PLAG1: variants seen among roughly 807,000 people sequenced by gnomAD.
PLAG1 encodes zinc finger protein PLAG1.
A neutral mutation model predicts 35.5 loss-of-function variants in PLAG1; 7 were observed. That is an observed-to-expected ratio of 0.20 (90% CI 0.11 to 0.37). PLAG1 has a LOEUF of 0.37. PLAG1 is among the 10% of genes least tolerant of loss of function. The pLI is 1.00. For synonymous variants in PLAG1, 229 were observed against 225.4 expected (o/e 1.02, Z -0.14); for missense variants, 454 against 602.8 (o/e 0.75, Z 2.58).
chr8:56,207,252 C>T (rs1005166748), intron 1 of PLAG1, among the ~76,000 whole-genome samples: 2 of 151,958 alleles, frequency 1.3e-5, no homozygotes, highest in Non-Finnish European at 2.9e-5. Context: ...TTTTAGTTAT[C>T]TGGCTTTCCA....
Position 56,203,800 on chromosome 8 carries a change from T to A in PLAG1, c.-322+7321A>T, listed in dbSNP as rs533029322. Among the ~76,000 whole-genome samples the A allele has an allele frequency of 3.3e-5, 5 of 152,108 alleles. No homozygotes were observed. The South Asian group carries it at 1.0e-3, about 32-fold the overall frequency. ...ATGAAATTGAATAGTAAACATCAAG[T>A]AAAATGCTACCAACATTAGAAGAGA... On this transcript the variant is annotated intron_variant, in intron 1 of 4. Coordinates refer to ENST00000316981, the MANE Select transcript of PLAG1 (RefSeq NM_002655.3).
At chr8:56,194,258 A>G (rs1459784039) in intron 1 of PLAG1, among the ~76,000 whole-genome samples, 1 of 150,508 alleles carries the variant, frequency 6.6e-6, no homozygotes, top group Non-Finnish European at 1.5e-5. Context: ...CGGAGGTTGC[A>G]GTAAGCTGAG....
At chr8:56,204,394 A>C (rs1298554117) in intron 1 of PLAG1, among the ~76,000 whole-genome samples, 1 of 151,884 alleles carries the variant, frequency 6.6e-6, no homozygotes, top group African/African-American at 2.4e-5. Flanking sequence ...CACTTGAACT[A>C]TCTTAAGTTT....
rs544875767 is a variant in PLAG1 at position 56,206,910 on chromosome 8, C to T, written c.-322+4211G>A. Reference sequence around the variant, plus strand: ...GGATTTTGTTGAACAGATTCAGTTTCCTCCTTTTGAAACTCTTCCCTTACT... The same window carrying T: ...GGATTTTGTTGAACAGATTCAGTTTTCTCCTTTTGAAACTCTTCCCTTACT... On this transcript the variant is annotated intron_variant, in intron 1 of 4. Transcript: ENST00000316981. Among the ~76,000 whole-genome samples, 155 of 151,994 alleles carry T rather than the reference C, an allele frequency of 1.0e-3. 1 individual carries two copies. The highest frequency in any genetic ancestry group is 1.5e-3 in the Non-Finnish European group (105 of 67,800).
At chr8:56,177,715 T>G (rs1221379843) in intron 2 of PLAG1, among the ~76,000 whole-genome samples, 3 of 152,212 alleles carry the variant, frequency 2.0e-5, no homozygotes, top group African/African-American at 7.2e-5. Context: ...GTGGTCCCTT[T>G]AAGGAAATTT....
At chr8:56,196,951 C>CGTGCGT (rs1554537772) in intron 1 of PLAG1, among the ~76,000 whole-genome samples, 3 of 142,962 alleles carry the variant, frequency 2.1e-5, no homozygotes, top group Admixed American at 2.0e-4. Flanking sequence ...CCCTAGTGTG[C>CGTGCGT]GTGTGTGTGT....
chr8:56,211,237 C>T lies in PLAG1; in HGVS notation c.-438G>A, dbSNP rs1163255470. 1.3e-5 allele frequency: 2 copies of T among 153,572 alleles called. No individual in the cohort carries two copies. The highest frequency in any genetic ancestry group is 4.9e-5 in the African/African-American group (2 of 41,218). The allele number at this position is 153,572 out of a possible 1,614,324, so 9.5% of individuals were successfully genotyped here. A position where few individuals can be genotyped will look rare whatever the true frequency, so the allele number is the denominator to read the frequency against. ...GACGCGGCGGGCCTGGAAATTGTTT[C>T]CTTACGCCTCTTTCCAGCAGCCATT... On this transcript the variant is annotated 5_prime_UTR_variant, in exon 1 of 5. Coordinates refer to ENST00000316981, the MANE Select transcript of PLAG1 (RefSeq NM_002655.3).
chr8:56,171,478 T>TA (rs1811521379), intron 2 of PLAG1: 1 of 152,242 alleles, frequency 6.6e-6, no homozygotes, highest in Non-Finnish European at 1.5e-5. Flanking sequence ...AAATCTGACT[T>TA]ACCTACTGAA....
intron 1 of PLAG1, among the ~76,000 whole-genome samples, chr8:56,190,927 C>A (rs1563387229): frequency 1.3e-5 from 2 of 152,120 alleles, no homozygotes; most frequent in African/African-American, 4.8e-5. Flanking sequence ...GGGGTAAGAA[C>A]ATTCCAGCAG....
rs57103486 is a variant in PLAG1, at chr8:56,165,344, G to A, written c.*899C>T. The A allele has an allele frequency of 1.4e-5, 3 of 216,518 alleles. No individual in the cohort carries two copies. The highest frequency in any genetic ancestry group is 1.4e-3 in the Middle Eastern group (1 of 716). The allele number at this position is 216,518 out of a possible 1,614,324, so 13.4% of individuals were successfully genotyped here. On this transcript the variant is annotated 3_prime_UTR_variant, in exon 5 of 5. Transcript: ENST00000316981. Reference sequence around the variant, plus strand: ...AATGGCTCTAGATTATGGACTAACCGTGGGCCAACAATGAAAATAAATTGC... The same window carrying A: ...AATGGCTCTAGATTATGGACTAACCATGGGCCAACAATGAAAATAAATTGC...
rs1055140415 is a variant in PLAG1, at chr8:56,162,665, T to A, written c.*3578A>T. The A allele has an allele frequency of 5.2e-5, 11 of 209,566 alleles. No homozygotes were observed. The highest frequency in any genetic ancestry group is 9.1e-5 in the African/African-American group (4 of 44,036). 13.0% of individuals were successfully genotyped at this position (209,566 alleles called of 1,614,324 possible). On this transcript the variant is annotated 3_prime_UTR_variant, in exon 5 of 5. Transcript: ENST00000316981. Reference sequence around the variant, plus strand: ...TAGAGGTTGACCAAGCTCTATTTTTTAAAAAAATATTGGCCTATAATATGT... The same window carrying A: ...TAGAGGTTGACCAAGCTCTATTTTTAAAAAAAATATTGGCCTATAATATGT...
At chr8:56,193,695 CTTTTTTTT>C (rs760038291) in intron 1 of PLAG1, among the ~76,000 whole-genome samples, 2 of 130,802 alleles carry the variant, frequency 1.5e-5, no homozygotes, top group Non-Finnish European at 3.2e-5. Context: ...ATTAGGTAAA[CTTTTTTTT>C]TTTTTTTTTT....
At chr8:56,191,610 G>A (rs1283332898) in intron 1 of PLAG1, among the ~76,000 whole-genome samples, 1 of 151,922 alleles carries the variant, frequency 6.6e-6, no homozygotes, top group Non-Finnish European at 1.5e-5. Flanking sequence ...CAAAAGAGGT[G>A]CCAATTTCAA....
chr8:56,186,168 T>G (rs1023465714), intron 1 of PLAG1, among the ~76,000 whole-genome samples: 10 of 152,132 alleles, frequency 6.6e-5, no homozygotes, highest in Non-Finnish European at 1.5e-4. Context: ...CAGAAGGGGC[T>G]TAAACTTTAA....
intron 1 of PLAG1, among the ~76,000 whole-genome samples, chr8:56,181,388 T>C (rs1244856695): frequency 6.6e-6 from 1 of 152,098 alleles, no homozygotes; most frequent in Non-Finnish European, 1.5e-5. Flanking sequence ...TATGCCGCCA[T>C]AAAAAAGGAT....
intron 2 of PLAG1, chr8:56,178,028 C>T (rs1283498406): frequency 3.1e-6 from 3 of 981,566 alleles, no homozygotes; most frequent in Non-Finnish European, 3.6e-6. Flanking sequence ...ACGTTTAGAA[C>T]ACTTCTGCTT....
chr8:56,163,127 A>G lies in PLAG1; in HGVS notation c.*3116T>C. On this transcript the variant is annotated 3_prime_UTR_variant, in exon 5 of 5. Transcript: ENST00000316981. ...CCGTGTTTGGTGACCTAACTTGTACATACATGTGGAAGTGAAACTGAATGA... is the reference window on the plus strand; with the variant it reads ...CCGTGTTTGGTGACCTAACTTGTACGTACATGTGGAAGTGAAACTGAATGA... 1 of 207,728 alleles carries G rather than the reference A, an allele frequency of 4.8e-6. No homozygotes were observed. The highest frequency in any genetic ancestry group is 9.8e-6 in the Non-Finnish European group (1 of 101,632). 12.9% of individuals were successfully genotyped at this position (207,728 alleles called of 1,614,324 possible). A position where few individuals can be genotyped will look rare whatever the true frequency, so the allele number is the denominator to read the frequency against.
At chr8:56,205,196 A>G (rs1812663388) in intron 1 of PLAG1, among the ~76,000 whole-genome samples, 1 of 151,940 alleles carries the variant, frequency 6.6e-6, no homozygotes, top group Admixed American at 6.6e-5. Flanking sequence ...AATTTATTTC[A>G]TTAACTTAAA....
At chr8:56,169,329 C>T (rs73594277) in intron 3 of PLAG1, among the ~76,000 whole-genome samples, 2,434 of 152,158 alleles carry the variant, frequency 0.016, 77 homozygotes, top group African/African-American at 0.056. Context: ...GTCAGAGTTT[C>T]AATGTGTTAT....
Sources: allele counts gnomAD v4.1 joint callset (sites outside exome capture counted in the v4.1 genomes callset), GRCh38; gene constraint gnomAD v4.1.1; transcripts MANE v1.5; gene names NCBI Gene and HGNC (gene_info 2026-07-23, HGNC 2026-07-21).